KCNK9: variants seen among roughly 807,000 people sequenced by gnomAD.
KCNK9 encodes potassium channel subfamily K member 9.
Under a neutral mutation model 10.8 loss-of-function variants are expected in KCNK9, and 1 was observed. The observed-to-expected ratio is 0.09, with a 90% CI of 0.03 to 0.44. The LOEUF is 0.44. Ranked by LOEUF, KCNK9 falls within the 20% of genes least tolerant of loss-of-function variation. The pLI is 0.97. For missense variants in KCNK9, 303 were observed against 515.0 expected (o/e 0.59, Z 3.98); for synonymous variants, 231 against 222.7 (o/e 1.04, Z -0.33).
At chr8:139,640,046 A>G (rs1403520124) in intron 1 of KCNK9, among the ~76,000 whole-genome samples, 1 of 151,862 alleles carries the variant, frequency 6.6e-6, no homozygotes, top group East Asian at 1.9e-4. Context: ...TGGCGAGCCA[A>G]TACCTGCTTC....
chr8:139,698,614 T>C (rs568456411), intron 1 of KCNK9, among the ~76,000 whole-genome samples: 1 of 152,268 alleles, frequency 6.6e-6, no homozygotes, highest in South Asian at 2.1e-4. Context: ...AACCAACTGT[T>C]TGGGTTTCCA....
At chr8:139,623,317 G>A (rs117112117) in intron 1 of KCNK9, among the ~76,000 whole-genome samples, 4 of 152,140 alleles carry the variant, frequency 2.6e-5, no homozygotes, top group African/African-American at 9.7e-5. Flanking sequence ...CCGCCCAGGG[G>A]TCAGAAGATA....
chr8:139,649,184 G>A (rs533645751), intron 1 of KCNK9, among the ~76,000 whole-genome samples: 2 of 152,110 alleles, frequency 1.3e-5, no homozygotes, highest in African/African-American at 4.8e-5. Context: ...GAAGATGGAT[G>A]GACTCCGGTT....
At chr8:139,636,735 C>A (rs187404662) in intron 1 of KCNK9, among the ~76,000 whole-genome samples, 1 of 152,264 alleles carries the variant, frequency 6.6e-6, no homozygotes, top group South Asian at 2.1e-4. Flanking sequence ...AAAGTGTTTA[C>A]GTAAGAAAAA....
At chr8:139,648,066 A>G (rs1477191398) in intron 1 of KCNK9, among the ~76,000 whole-genome samples, 1 of 152,232 alleles carries the variant, frequency 6.6e-6, no homozygotes, top group African/African-American at 2.4e-5. Context: ...TTATCCCTAC[A>G]ATGCAATATC....
intron 1 of KCNK9, among the ~76,000 whole-genome samples, chr8:139,640,454 A>G (rs1315199901): frequency 1.3e-5 from 2 of 152,210 alleles, no homozygotes; most frequent in African/African-American, 4.8e-5. Context: ...TCTTCAAGAG[A>G]ACAGCCCTGG....
intron 1 of KCNK9, among the ~76,000 whole-genome samples, chr8:139,625,015 T>C (rs2430819): frequency 0.3 from 45,569 of 152,010 alleles, 7,878 homozygotes; most frequent in East Asian, 0.54. Flanking sequence ...GGGCAGATGA[T>C]GTGCATCAGA....
At chr8:139,681,822 G>A (rs1482873037) in intron 1 of KCNK9, among the ~76,000 whole-genome samples, 1 of 152,314 alleles carries the variant, frequency 6.6e-6, no homozygotes, top group African/African-American at 2.4e-5. Flanking sequence ...TCAGTGCGTG[G>A]ACACTGCTAT....
At chr8:139,656,989 A>C (rs548593878) in intron 1 of KCNK9, among the ~76,000 whole-genome samples, 117 of 152,066 alleles carry the variant, frequency 7.7e-4, no homozygotes, top group African/African-American at 2.7e-3. Context: ...CTCAGTACCC[A>C]TTCCAAACCC....
chr8:139,641,864 C>T lies in KCNK9; in HGVS notation c.284-22765G>A, dbSNP rs1815516570. Among the ~76,000 whole-genome samples the T allele has an allele frequency of 2.0e-5, 3 of 152,270 alleles. No homozygotes were observed. In the South Asian group the frequency reaches 6.2e-4, roughly 32 times the overall value. On this transcript the variant is annotated intron_variant, in intron 1 of 1. Transcript: ENST00000520439. ...GGCCACACTGGTGTCCAGCAGAAGACAGAGTGAGCACTCAGGGAGTAGTCA... is the reference window on the plus strand; with the variant it reads ...GGCCACACTGGTGTCCAGCAGAAGATAGAGTGAGCACTCAGGGAGTAGTCA...
rs764049358 is a variant in KCNK9, at chr8:139,619,104, G to A, written c.284-5C>T. ...CAGGTGCAGCGTGCCCATAACCTGT[G>A]GGAAGGGGATGAGAAGAACAGAGAG... On this transcript the variant is annotated splice_polypyrimidine_tract_variant and splice_region_variant and intron_variant, in intron 1 of 1. Coordinates refer to ENST00000520439, the MANE Select transcript of KCNK9 (RefSeq NM_001282534.2). 5.0e-6 allele frequency: 8 copies of A among 1,613,900 alleles called. No individual in the cohort carries two copies. The highest frequency in any genetic ancestry group is 6.8e-6 in the Non-Finnish European group (8 of 1,180,016).
chr8:139,670,829 A>G (rs1198435988), intron 1 of KCNK9, among the ~76,000 whole-genome samples: 2 of 152,214 alleles, frequency 1.3e-5, no homozygotes, highest in Admixed American at 1.3e-4. Flanking sequence ...GTTAAAAACA[A>G]TGTGGTAGGT....
chr8:139,670,707 A>G lies in KCNK9; in HGVS notation c.283+32003T>C, dbSNP rs138776848. On this transcript the variant is annotated intron_variant, in intron 1 of 1. Coordinates refer to ENST00000520439, the MANE Select transcript of KCNK9 (RefSeq NM_001282534.2). ...CAACAACATCCTGAGTCTCAGAGCC[A>G]TTGATTTTGGAGGGCAGGAGATCAG... Among the ~76,000 whole-genome samples the G allele has an allele frequency of 9.2e-5, 14 of 152,352 alleles. No individual in the cohort carries two copies. In the East Asian group the frequency reaches 2.7e-3, roughly 29 times the overall value.
intron 1 of KCNK9, among the ~76,000 whole-genome samples, chr8:139,632,255 CA>C (rs1815196848): frequency 6.6e-6 from 1 of 152,150 alleles, no homozygotes; most frequent in African/African-American, 2.4e-5. Flanking sequence ...AAAAGGGCCT[CA>C]AAAAAGCAGG....
chr8:139,631,962 G>C (rs1815187702), intron 1 of KCNK9, among the ~76,000 whole-genome samples: 2 of 152,254 alleles, frequency 1.3e-5, no homozygotes, highest in African/African-American at 4.8e-5. Context: ...CTATGGGTCA[G>C]AAGAGCAAGA....
intron 1 of KCNK9, among the ~76,000 whole-genome samples, chr8:139,694,246 C>T (rs1817000866): frequency 6.6e-6 from 1 of 152,194 alleles, no homozygotes; most frequent in African/African-American, 2.4e-5. Context: ...ACCCAGGTGA[C>T]TGTCCCCTAA....
intron 1 of KCNK9, among the ~76,000 whole-genome samples, chr8:139,689,632 C>T (rs1382463158): frequency 7.1e-6 from 1 of 141,316 alleles, no homozygotes. Context: ...CTCTCCTGTG[C>T]CTTTGCCATC....
intron 1 of KCNK9, among the ~76,000 whole-genome samples, chr8:139,658,734 G>C (rs2615385): frequency 0.31 from 46,658 of 152,208 alleles, 8,383 homozygotes; most frequent in African/African-American, 0.51. Flanking sequence ...TTGCAGCTGA[G>C]AGGCCTGGAC....
chr8:139,638,100 C>G (rs973330531), intron 1 of KCNK9, among the ~76,000 whole-genome samples: 1 of 151,794 alleles, frequency 6.6e-6, no homozygotes, highest in Non-Finnish European at 1.5e-5. Context: ...ATCCCCATAC[C>G]GTTAGCTGGA....
Sources: allele counts gnomAD v4.1 joint callset (sites outside exome capture counted in the v4.1 genomes callset), GRCh38; gene constraint gnomAD v4.1.1; transcripts MANE v1.5; gene names NCBI Gene and HGNC (gene_info 2026-07-23, HGNC 2026-07-21).